EWSR1: variants seen among roughly 807,000 people sequenced by gnomAD.
EWSR1 encodes RNA-binding protein EWS.
Under a neutral mutation model 92.1 loss-of-function variants are expected in EWSR1, and 14 were observed. That is an observed-to-expected ratio of 0.15 (90% CI 0.10 to 0.24). The LOEUF is 0.24. Among genes scored for constraint, EWSR1 ranks in the 10% least tolerant of loss-of-function variants. The pLI, the probability that EWSR1 is intolerant of heterozygous loss-of-function variation, is 1.00. For missense variants in EWSR1, 637 were observed against 870.9 expected, an observed-to-expected ratio of 0.73 and a Z score of 3.38; for synonymous variants, 303 against 292.9, an observed-to-expected ratio of 1.03 and a Z score of -0.35.
chr22:29,288,663 G>A lies in EWSR1; in HGVS notation c.851G>A (p.Gly284Glu). 1 of 1,613,854 alleles carries A rather than the reference G, an allele frequency of 6.2e-7. No individual in the cohort carries two copies. Among genetic ancestry groups the A allele is most frequent in the Non-Finnish European group, 8.5e-7 (1 of 1,179,848 alleles). The change falls in exon 8 of 17, where the codon GGA (glycine) becomes GAA (glutamate). Residue 284 changes from glycine (G) to glutamate (E), a missense_variant. Physicochemically the swap from Gly to Glu is moderately conservative, Grantham distance 98. Around this residue, in one of 5 missense-constraint regions of EWSR1, gnomAD observed 116 missense variants for 167.8 expected, o/e 0.69. Coordinates refer to ENST00000397938, the MANE Select transcript of EWSR1 (RefSeq NM_005243.4). ...GGTGTTTATGGGCAGGAGTCTGGAGGATTTTCCGGACCAGGAGAGAACCGG... is the reference window on the plus strand; with the variant it reads ...GGTGTTTATGGGCAGGAGTCTGGAGAATTTTCCGGACCAGGAGAGAACCGG... The part of the protein sequence containing the change: ...SMGVYGQESG[G>E]FSGPGENRSM...
At chr22:29,268,612 G>T (rs2058339337) in intron 1 of EWSR1, among the ~76,000 whole-genome samples, 1 of 152,132 alleles carries the variant, frequency 6.6e-6, no homozygotes, top group African/African-American at 2.4e-5. Context: ...GGCCTCCATT[G>T]TGTGGCGGTC....
chr22:29,271,827 G>A (rs894824298), intron 1 of EWSR1, among the ~76,000 whole-genome samples: 4 of 152,166 alleles, frequency 2.6e-5, no homozygotes, highest in Admixed American at 2.0e-4. Context: ...TATTATTGTT[G>A]CATGCCTCCG....
intron 1 of EWSR1, 90 bp downstream of exon 1, chr22:29,268,439 A>G (rs1331237793): frequency 6.2e-7 from 1 of 1,610,456 alleles, no homozygotes; most frequent in African/African-American, 1.3e-5. Context: ...GGGAAGACTG[A>G]GTGGAGTTGC....
At chr22:29,288,458 A>T in intron 7 of EWSR1, 148 bp from the exon 8 acceptor site, 1 of 650,278 alleles carries the variant, frequency 1.5e-6, no homozygotes. Context: ...AAAAGAGCCT[A>T]CCTATTAAGG....
chr22:29,272,136 A>C, intron 1 of EWSR1, 80 bp from the exon 2 acceptor site: 1 of 1,286,780 alleles, frequency 7.8e-7, no homozygotes, highest in Non-Finnish European at 1.1e-6. Context: ...TCTTCCTGCC[A>C]CGTGAATTCT....
At position 29,273,736 on chromosome 22, in the gene EWSR1, A is replaced by G. The variant is rs766734824; in HGVS notation, c.103-5A>G. ...AGTTCTTGCATTCGTTTTTTTTTGGAGCAGGCATATGGGCAACAAAGCTAT... is the reference window on the plus strand; with the variant it reads ...AGTTCTTGCATTCGTTTTTTTTTGGGGCAGGCATATGGGCAACAAAGCTAT... On this transcript the variant is annotated splice_polypyrimidine_tract_variant and splice_region_variant and intron_variant, in intron 3 of 16. Coordinates refer to ENST00000397938, the MANE Select transcript of EWSR1 (RefSeq NM_005243.4). The G allele has an allele frequency of 8.7e-6, 14 of 1,601,258 alleles. No homozygotes were observed. Among genetic ancestry groups the G allele is most frequent in the Middle Eastern group, 1.9e-4 (1 of 5,288 alleles).
At chr22:29,296,873 T>C (rs2060902359) in intron 12 of EWSR1, among the ~76,000 whole-genome samples, 2 of 152,020 alleles carry the variant, frequency 1.3e-5, no homozygotes, top group African/African-American at 4.8e-5. Flanking sequence ...AAACCCTGTC[T>C]CTACAAAAAA....
chr22:29,275,481 T>C (rs1026183232), intron 4 of EWSR1: 1 of 216,096 alleles, frequency 4.6e-6, no homozygotes, highest in African/African-American at 2.3e-5. Flanking sequence ...TAATAATGTT[T>C]GTATAAAATT....
chr22:29,299,055 C>A, intron 14 of EWSR1, 160 bp downstream of exon 14: 1 of 1,358,062 alleles, frequency 7.4e-7, no homozygotes, highest in Non-Finnish European at 1.0e-6. Flanking sequence ...CGCTTCAGAG[C>A]CTTCTGAAGA....
intron 8 of EWSR1, chr22:29,289,925 ATACTC>A (rs35475143): frequency 0.044 from 10,165 of 231,018 alleles, 339 homozygotes; most frequent in African/African-American, 0.1. Context: ...GATTTGGAAA[ATACTC>A]TATTATAAAG....
At chr22:29,300,030 ATTGGG>A (rs2061224395) in intron 16 of EWSR1, 87 bp from the exon 17 acceptor site, 14 of 429,400 alleles carry the variant, frequency 3.3e-5, no homozygotes, top group African/African-American at 2.0e-4. Context: ...ATTCTAACCG[ATTGGG>A]AGGAGCCAGG....
chr22:29,270,637 TTTACATAACTGCTC>T (rs2058597344), intron 1 of EWSR1, among the ~76,000 whole-genome samples: 1 of 152,202 alleles, frequency 6.6e-6, no homozygotes, highest in Non-Finnish European at 1.5e-5. Flanking sequence ...AGTTTGATGT[TTTACATAACTGCTC>T]TTGCGTAAAA....
At chr22:29,270,450 G>A (rs1308969566) in intron 1 of EWSR1, among the ~76,000 whole-genome samples, 2 of 152,102 alleles carry the variant, frequency 1.3e-5, no homozygotes, top group Non-Finnish European at 2.9e-5. Flanking sequence ...AAGTAATTAC[G>A]TTTGCATCAA....
At chr22:29,276,104 A>G (rs2059099590) in intron 4 of EWSR1, 1 of 231,836 alleles carries the variant, frequency 4.3e-6, no homozygotes, top group African/African-American at 2.2e-5. Flanking sequence ...GTTTTATGAC[A>G]TGAGTTATTG....
rs973230529 is a variant in EWSR1, at chr22:29,299,839, GA to G, written c.1924del (p.Met642TrpfsTer25). The G allele has an allele frequency of 2.6e-6, 4 of 1,546,716 alleles. No homozygotes were observed. The highest frequency in any genetic ancestry group is 2.3e-5 in the East Asian group (1 of 44,080). ...AGAAGAGGAGGACGTGGAGGACCTG[GA>G]AAAATGGATAAGTAAGTGCTGGTGA... ...GGRRGGRGGP[G>X]KMDKGEHRQE... On this transcript the variant is annotated frameshift_variant, in exon 16 of 17. Coordinates refer to ENST00000397938, the MANE Select transcript of EWSR1 (RefSeq NM_005243.4). LOFTEE classifies it high-confidence loss of function.
chr22:29,281,961 G>A (rs1381190375), intron 5 of EWSR1, among the ~76,000 whole-genome samples: 7 of 152,142 alleles, frequency 4.6e-5, no homozygotes, highest in African/African-American at 7.2e-5. Context: ...ATGGACTTAC[G>A]TAAATGTTAC....
Position 29,278,120 on chromosome 22 carries a change from C to G in EWSR1, c.317C>G (p.Thr106Ser). The G allele has an allele frequency of 6.2e-7, 1 of 1,614,194 alleles. No homozygotes were observed. The highest frequency in any genetic ancestry group is 8.5e-7 in the Non-Finnish European group (1 of 1,180,018). Reference sequence around the variant, plus strand: ...TATGATACCACCACTGCTACAGTCACCACCACCCAGGCCTCCTATGCAGCT... The same window carrying G: ...TATGATACCACCACTGCTACAGTCAGCACCACCCAGGCCTCCTATGCAGCT... ...GAYDTTTATV[T>S]TTQASYAAQS... Residue 106 changes from threonine (T) to serine (S), a missense_variant, in exon 5 of 17, where the codon ACC (threonine) becomes AGC (serine). Coordinates refer to ENST00000397938, the MANE Select transcript of EWSR1 (RefSeq NM_005243.4).
chr22:29,293,810 T>G (rs1420803287), intron 11 of EWSR1, among the ~76,000 whole-genome samples: 1 of 152,116 alleles, frequency 6.6e-6, no homozygotes, highest in East Asian at 1.9e-4. Context: ...CCTCAGGTGA[T>G]CTGCCGCCTC....
At chr22:29,271,683 C>G (rs921268690) in intron 1 of EWSR1, among the ~76,000 whole-genome samples, 1 of 152,180 alleles carries the variant, frequency 6.6e-6, no homozygotes, top group Admixed American at 6.5e-5. Flanking sequence ...TGACTGCCTT[C>G]TTGTCTGCCA....
Sources: allele counts gnomAD v4.1 joint callset (sites outside exome capture counted in the v4.1 genomes callset), GRCh38; gene constraint gnomAD v4.1.1; regional missense constraint gnomAD v4.1.1; transcripts MANE v1.5; gene names NCBI Gene and HGNC (gene_info 2026-07-23, HGNC 2026-07-21).